Variants in CDH23 observed in about 807,000 individuals in gnomAD.
CDH23 encodes the protein cadherin-23.
A neutral mutation model predicts 317.1 loss-of-function variants in CDH23; 189 were observed. The observed-to-expected ratio is 0.60, with a 90% CI of 0.53 to 0.67. The LOEUF is 0.67. CDH23 is among the 30% of genes least tolerant of loss of function. The pLI is 0.00. For synonymous variants in CDH23, 1,839 were observed against 1,876.8 expected (o/e 0.98, Z 0.52); for missense variants, 4,401 against 4,592.4 (o/e 0.96, Z 1.20).
At chr10:71,785,158 C>T (rs1239803497) in intron 43 of CDH23, 58 bp downstream of exon 43, 3 of 1,469,698 alleles carry the variant, frequency 2.0e-6, no homozygotes, top group Non-Finnish European at 2.8e-6. Context: ...AAAGAGGACC[C>T]TGCCCTAGAG....
chr10:71,805,875 G>A lies in CDH23; in HGVS notation c.7942G>A (p.Val2648Met), dbSNP rs749501038. Residue 2648 changes from valine (V) to methionine (M), a missense_variant, in exon 56 of 70, where the codon GTG becomes ATG. This residue lies in a region of CDH23 where 1,144 missense variants were observed against 1,138.2 expected (regional missense o/e 1.01). Coordinates refer to ENST00000224721, the MANE Select transcript of CDH23 (RefSeq NM_022124.6). ...CAAGGATGAGGGCCTCAACGGGGCG[G>A]TGCGCTACAGCTTCCTGAAGACTGC... ...TDKDEGLNGA[V>M]RYSFLKTAGN... The A allele has an allele frequency of 2.0e-5, 32 of 1,613,710 alleles. No individual in the cohort carries two copies. The highest frequency in any genetic ancestry group is 2.5e-5 in the Non-Finnish European group (30 of 1,179,864).
chr10:71,746,573 G>C (rs1839857499), intron 38 of CDH23, among the ~76,000 whole-genome samples: 1 of 152,218 alleles, frequency 6.6e-6, no homozygotes, highest in African/African-American at 2.4e-5. Flanking sequence ...CAGGCTTGGG[G>C]GAGGGGTTTA....
At chr10:71,709,023 C>A in intron 26 of CDH23, 75 bp from the exon 27 acceptor site, 1 of 1,362,276 alleles carries the variant, frequency 7.3e-7, no homozygotes, top group Non-Finnish European at 1.0e-6. Context: ...GGTCCCAGCT[C>A]AGGAGCAGAG....
intron 15 of CDH23, among the ~76,000 whole-genome samples, chr10:71,675,852 C>A (rs1057311099): frequency 8.6e-5 from 13 of 151,670 alleles, no homozygotes; most frequent in African/African-American, 2.4e-4. Flanking sequence ...TGATTTTGGG[C>A]CATCTCTTTC....
Position 71,570,858 on chromosome 10 carries a change from C to G in CDH23, c.693C>G (p.Asp231Glu). The G allele has an allele frequency of 6.2e-7, 1 of 1,614,038 alleles. No homozygotes were observed. Among genetic ancestry groups the G allele is most frequent in the Non-Finnish European group, 8.5e-7 (1 of 1,179,882 alleles). Residue 231 changes from aspartate (D) to glutamate (E), a missense_variant, in exon 8 of 70, where the codon GAC (aspartate) becomes GAG (glutamate). Asp to Glu is a conservative substitution (Grantham distance 45, BLOSUM62 2). Transcript: ENST00000224721. ...CCATCATCATCACAGATGTCCAGGACATGGACCCCATCTTCATCAACCTGC... is the reference window on the plus strand; with the variant it reads ...CCATCATCATCACAGATGTCCAGGAGATGGACCCCATCTTCATCAACCTGC... ...NLAIIITDVQ[D>E]MDPIFINLPY...
rs367750869 is a variant in CDH23 at position 71,690,536 on chromosome 10, A to G, written c.2128A>G (p.Ile710Val). The change falls in exon 20 of 70, where the codon ATC (isoleucine) becomes GTC (valine). Residue 710 changes from isoleucine (I) to valine (V), a missense_variant. Physicochemically the swap from Ile to Val is conservative, Grantham distance 29 (BLOSUM62 3). This residue lies in a region of CDH23 where 3,068 missense variants were observed against 3,203.3 expected (regional missense o/e 0.96). Coordinates refer to ENST00000224721, the MANE Select transcript of CDH23 (RefSeq NM_022124.6). ...RSREYGQESI[I>V]YSLEGSTQFR... ...CCGGGAGTACGGCCAGGAGTCCATC[A>G]TCTACTCCTTGGAAGGCTCCACCCA... The G allele has an allele frequency of 5.8e-5, 93 of 1,610,886 alleles. No homozygotes were observed. The African/African-American group carries it at 1.2e-3, about 21-fold the overall frequency.
chr10:71,813,421 G>A (rs573634485), intron 69 of CDH23, 73 bp downstream of exon 69: 62 of 1,293,280 alleles, frequency 4.8e-5, no homozygotes, highest in Non-Finnish European at 6.8e-5. Context: ...TTGCTGTCCT[G>A]CTGTCCTTCT....
intron 3 of CDH23, among the ~76,000 whole-genome samples, chr10:71,472,233 A>T (rs566061337): frequency 6.6e-6 from 1 of 152,160 alleles, no homozygotes; most frequent in South Asian, 2.1e-4. Flanking sequence ...TGGTGGGAGG[A>T]AGGGAGGAGC....
Position 71,702,285 on chromosome 10 carries a change from G to C in CDH23, c.2587+74G>C, listed in dbSNP as rs565190739. 5.7e-4 allele frequency: 862 copies of C among 1,499,438 alleles called. 2 individuals carry two copies. The African/African-American group carries it at 0.01, about 18-fold the overall frequency. The allele number at this position is 1,499,438 out of a possible 1,614,324, so 92.9% of individuals were successfully genotyped here. On this transcript the variant is annotated intron_variant, in intron 23 of 69. Coordinates refer to ENST00000224721, the MANE Select transcript of CDH23 (RefSeq NM_022124.6). The stretch of plus-strand genomic sequence containing the variant: ...TGTCCCTGGTGACTGGGCCTCTGGG[G>C]TACCTGGGGCCCACCCAGGAGGTCT...
intron 38 of CDH23, among the ~76,000 whole-genome samples, chr10:71,759,122 C>G (rs1840226486): frequency 6.6e-6 from 1 of 152,072 alleles, no homozygotes; most frequent in Non-Finnish European, 1.5e-5. Context: ...ACTGTAACCT[C>G]TGACTCCCGG....
chr10:71,756,650 G>A (rs1840156420), intron 38 of CDH23, among the ~76,000 whole-genome samples: 2 of 152,192 alleles, frequency 1.3e-5, no homozygotes, highest in African/African-American at 4.8e-5. Context: ...GGCATCTGCT[G>A]ACTGCAGGAG....
chr10:71,465,576 C>T (rs527361422), intron 3 of CDH23, among the ~76,000 whole-genome samples: 117 of 152,334 alleles, frequency 7.7e-4, no homozygotes, highest in African/African-American at 2.7e-3. Context: ...GGGGGTGCCC[C>T]CGTGGCTGAT....
intron 4 of CDH23, 148 bp downstream of exon 4, chr10:71,510,372 C>A: frequency 1.1e-6 from 1 of 918,768 alleles, no homozygotes; most frequent in Non-Finnish European, 1.6e-6. Context: ...TGGTATTCCT[C>A]TTCAAGGGCC....
Position 71,408,519 on chromosome 10 carries a change from G to T in CDH23, c.-6+11201G>T, listed in dbSNP as rs61702357. On this transcript the variant is annotated intron_variant, in intron 1 of 69. Transcript: ENST00000224721. Reference sequence around the variant, plus strand: ...CACCTGAAGTGCTGGTGACCGCTGGGTCTGAGTTACCATGGGATGGCTACA... The same window carrying T: ...CACCTGAAGTGCTGGTGACCGCTGGTTCTGAGTTACCATGGGATGGCTACA... Among the ~76,000 whole-genome samples, 1,343 of 152,296 alleles carry T rather than the reference G, an allele frequency of 8.8e-3. 21 individuals carry two copies. The highest frequency in any genetic ancestry group is 0.03 in the African/African-American group (1,260 of 41,566).
rs191152942 is a variant in CDH23 at position 71,437,717 on chromosome 10, A to G, written c.-5-2110A>G. ...CTTACAAATTGAGTTATTTGCCAAC[A>G]TTTAAAAATTGAATTCATGTGAAAA... On this transcript the variant is annotated intron_variant, in intron 1 of 69. Coordinates refer to ENST00000224721, the MANE Select transcript of CDH23 (RefSeq NM_022124.6). Among the ~76,000 whole-genome samples the G allele has an allele frequency of 1.4e-4, 22 of 152,364 alleles. No homozygotes were observed. In the East Asian group the frequency reaches 3.3e-3, roughly 23 times the overall value.
At chr10:71,542,953 G>A (rs1454188535) in intron 6 of CDH23, among the ~76,000 whole-genome samples, 2 of 152,250 alleles carry the variant, frequency 1.3e-5, no homozygotes, top group Non-Finnish European at 2.9e-5. Flanking sequence ...TGAAGTGGGG[G>A]ACAACCACCA....
intron 66 of CDH23, 101 bp from the exon 67 acceptor site, chr10:71,812,379 A>T (rs1487898690): frequency 6.2e-7 from 1 of 1,603,326 alleles, no homozygotes; most frequent in South Asian, 1.1e-5. Context: ...GAAAGGCACT[A>T]TATGGCCAGG....
intron 3 of CDH23, among the ~76,000 whole-genome samples, chr10:71,458,455 CCTCTTCTGGAA>C (rs1344275188): frequency 6.6e-6 from 1 of 152,226 alleles, no homozygotes; most frequent in East Asian, 1.9e-4. Flanking sequence ...ACCTCGTTTC[CCTCTTCTGGAA>C]ATTGAGATGA....
chr10:71,413,623 TAACAA>T (rs1848423871), intron 1 of CDH23, among the ~76,000 whole-genome samples: 1 of 152,230 alleles, frequency 6.6e-6, no homozygotes, highest in Non-Finnish European at 1.5e-5. Flanking sequence ...TATGGTATCT[TAACAA>T]TACTAAGTTT....
Sources: allele counts gnomAD v4.1 joint callset (sites outside exome capture counted in the v4.1 genomes callset), GRCh38; gene constraint gnomAD v4.1.1; regional missense constraint gnomAD v4.1.1; transcripts MANE v1.5; gene names NCBI Gene and HGNC (gene_info 2026-07-23, HGNC 2026-07-21).